The following NOX4 variants were observed in gnomAD, a reference collection of about 807,000 sequenced individuals.
NOX4 encodes the protein NADPH oxidase 4.
In NOX4, 69 loss-of-function variants were observed where a neutral mutation model predicts 87.6. The observed-to-expected ratio is 0.79, with a 90% CI of 0.65 to 0.96. The LOEUF (loss-of-function observed/expected upper bound fraction) is 0.96. Ranked by LOEUF, NOX4 falls within the 40% of genes least tolerant of loss-of-function variation. The pLI is 0.00. For missense variants in NOX4, 680 were observed against 681.5 expected (o/e 1.00, Z 0.02); for synonymous variants, 275 against 238.2 (o/e 1.15, Z -1.42).
intron 7 of NOX4, among the ~76,000 whole-genome samples, chr11:89,423,446 A>T (rs540816815): frequency 6.6e-6 from 1 of 152,240 alleles, no homozygotes; most frequent in East Asian, 1.9e-4. Context: ...TTTCCTCATA[A>T]GCTTGTAATG....
At chr11:89,330,782 A>G (rs1043074411) in intron 17 of NOX4, among the ~76,000 whole-genome samples, 9 of 152,080 alleles carry the variant, frequency 5.9e-5, no homozygotes, top group Non-Finnish European at 1.0e-4. Flanking sequence ...CTAGATTTAA[A>G]GCCAACTGTA....
chr11:89,491,740 AC>A (rs1946864561), upstream of NOX4, among the ~76,000 whole-genome samples: 1 of 147,316 alleles, frequency 6.8e-6, no homozygotes, highest in Non-Finnish European at 1.5e-5. Flanking sequence ...ACACACACAC[AC>A]ACACACACAC....
intron 7 of NOX4, among the ~76,000 whole-genome samples, chr11:89,422,471 A>C (rs1249006076): frequency 6.6e-6 from 1 of 152,182 alleles, no homozygotes. Flanking sequence ...AACAAGAATG[A>C]TACCTCAATG....
chr11:89,430,559 AACAG>A (rs1165364733), intron 7 of NOX4, among the ~76,000 whole-genome samples: 5 of 152,172 alleles, frequency 3.3e-5, no homozygotes, highest in East Asian at 1.9e-4. Context: ...ATACACCAAT[AACAG>A]ACAAACAGAG....
rs144461049 is a variant in NOX4 at position 89,382,784 on chromosome 11, C to T, written c.1075-9292G>A. Among the ~76,000 whole-genome samples, 791 of 152,202 alleles carry T rather than the reference C, an allele frequency of 5.2e-3. 7 individuals are homozygous for T. Among genetic ancestry groups the T allele is most frequent in the African/African-American group, 0.018 (748 of 41,504 alleles). ...TTTTGTTCTGTGACTAGCCCTCCCCCACCTGCCCAATAATTTCCTCTTAAA... is the reference window on the plus strand; with the variant it reads ...TTTTGTTCTGTGACTAGCCCTCCCCTACCTGCCCAATAATTTCCTCTTAAA... On this transcript the variant is annotated intron_variant, in intron 11 of 17. Transcript: ENST00000263317.
chr11:89,330,374 TAAA>T (rs1945419092), intron 17 of NOX4, among the ~76,000 whole-genome samples: 1 of 151,734 alleles, frequency 6.6e-6, no homozygotes, highest in Non-Finnish European at 1.5e-5. Context: ...AACATAAACA[TAAA>T]AAATAAAATA....
intron 3 of NOX4, among the ~76,000 whole-genome samples, chr11:89,450,578 T>C (rs533620171): frequency 1.3e-5 from 2 of 152,056 alleles, no homozygotes; most frequent in Non-Finnish European, 2.9e-5. Context: ...TATTTATTAT[T>C]ATTATTATTA....
At chr11:89,392,106 C>T (rs1941174126) in intron 11 of NOX4, among the ~76,000 whole-genome samples, 1 of 151,952 alleles carries the variant, frequency 6.6e-6, no homozygotes, top group Admixed American at 6.6e-5. Context: ...CCTTTTTTCT[C>T]CTCTCTGTCA....
chr11:89,454,901 C>A (rs1945119809), intron 2 of NOX4, among the ~76,000 whole-genome samples: 1 of 152,078 alleles, frequency 6.6e-6, no homozygotes, highest in South Asian at 2.1e-4. Context: ...AGCTGTTTAC[C>A]TTGTCAAAAG....
the NOX4 span, among the ~76,000 whole-genome samples, chr11:89,514,729 A>T: frequency 6.6e-6 from 1 of 151,890 alleles, no homozygotes; most frequent in Admixed American, 6.6e-5. Flanking sequence ...TCCTATGATG[A>T]TCATGTTTTT....
At chr11:89,524,404 T>C in the NOX4 span, among the ~76,000 whole-genome samples, 1 of 152,140 alleles carries the variant, frequency 6.6e-6, no homozygotes, top group Non-Finnish European at 1.5e-5. Context: ...TATAATACTT[T>C]GGTTATATCA....
At chr11:89,415,531 T>C (rs537215125) in intron 8 of NOX4, among the ~76,000 whole-genome samples, 6 of 152,258 alleles carry the variant, frequency 3.9e-5, no homozygotes, top group African/African-American at 1.4e-4. Flanking sequence ...CTTTACGGTA[T>C]CTAATGAAAG....
upstream of NOX4, among the ~76,000 whole-genome samples, chr11:89,497,059 C>T (rs981937562): frequency 2.6e-5 from 4 of 152,180 alleles, no homozygotes; most frequent in Non-Finnish European, 5.9e-5. Flanking sequence ...TCTACCTGTT[C>T]TTAGTTCTAA....
chr11:89,404,045 A>G (rs1486316776), intron 8 of NOX4, among the ~76,000 whole-genome samples: 1 of 149,806 alleles, frequency 6.7e-6, no homozygotes, highest in Non-Finnish European at 1.5e-5. Flanking sequence ...ACACACAAAC[A>G]TACATTTTTT....
chr11:89,337,475 A>G lies in NOX4; in HGVS notation c.1487T>C (p.Leu496Pro), dbSNP rs1197626118. 6.2e-7 allele frequency: 1 copy of G among 1,612,494 alleles called. No homozygotes were observed. Among genetic ancestry groups the G allele is most frequent in the South Asian group, 1.1e-5 (1 of 91,026 alleles). Residue 496 changes from leucine (L) to proline (P), a missense_variant, in exon 16 of 18, where the codon CTG becomes CCG. Leu to Pro is a moderately conservative substitution (Grantham distance 98). Transcript: ENST00000263317. Reference protein sequence around the residue: ...ENRPDYVNIQLYLSQTDGIQK... With the variant: ...ENRPDYVNIQPYLSQTDGIQK... ...TATCCCATCTGTTTGACTGAGGTAC[A>G]GCTGGATGTTGACATAGTCAGGTCT...
intron 2 of NOX4, among the ~76,000 whole-genome samples, chr11:89,473,784 T>A (rs1946050282): frequency 6.6e-6 from 1 of 152,078 alleles, no homozygotes; most frequent in Non-Finnish European, 1.5e-5. Flanking sequence ...CTTTCAACTT[T>A]TGAATGAAGT....
At chr11:89,336,163 T>C (rs1945705518) in intron 16 of NOX4, 3 of 357,762 alleles carry the variant, frequency 8.4e-6, no homozygotes, top group Non-Finnish European at 1.5e-5. Flanking sequence ...TTGTTTGTTT[T>C]TAAACAAACA....
At chr11:89,565,004 G>A in the NOX4 span, among the ~76,000 whole-genome samples, 1 of 151,986 alleles carries the variant, frequency 6.6e-6, no homozygotes, top group Admixed American at 6.6e-5. Flanking sequence ...ATAAAAGCAG[G>A]ATAACTTAAA....
At chr11:89,368,021 A>G (rs555168406) in intron 12 of NOX4, among the ~76,000 whole-genome samples, 417 of 152,076 alleles carry the variant, frequency 2.7e-3, no homozygotes, top group Non-Finnish European at 4.6e-3. Flanking sequence ...TACATCTTCC[A>G]TTTGCTCCTG....
Sources: gnomAD v4.1 joint callset for allele counts (sites outside exome capture counted in the v4.1 genomes callset) on GRCh38, gnomAD v4.1.1 for gene constraint, MANE v1.5 for transcripts, NCBI Gene and HGNC (gene_info 2026-07-23, HGNC 2026-07-21) for gene names.